Variants in JRKL observed in about 807,000 individuals in gnomAD.
JRKL encodes the protein JRK like, also known as jerky protein homolog-like.
A neutral mutation model predicts 34.7 loss-of-function variants in JRKL; 25 were observed. The ratio of observed to expected loss-of-function variants is 0.72; its 90% confidence interval spans 0.53 to 1.01. The LOEUF (loss-of-function observed/expected upper bound fraction) is 1.01. Among genes scored for constraint, JRKL ranks in the 50% least tolerant of loss-of-function variants. The probability of loss-of-function intolerance (pLI) is 0.00; values close to 1 mark genes in which losing one functional copy is unlikely to be tolerated. For missense variants in JRKL, 495 were observed against 615.7 expected, an observed-to-expected ratio of 0.80 and a Z score of 2.07; for synonymous variants, 204 against 212.8, an observed-to-expected ratio of 0.96 and a Z score of 0.36.
intron 1 of JRKL, 108 bp from the exon 2 acceptor site, chr11:96,390,375 C>T: frequency 3.0e-6 from 1 of 330,146 alleles, no homozygotes; most frequent in African/African-American, 2.1e-5. Context: ...AAAACACATG[C>T]TTTTAATCCG....
chr11:96,393,078 T>C lies in JRKL; in HGVS notation c.*854T>C, dbSNP rs1316925472. The C allele has an allele frequency of 6.0e-6, 1 of 165,884 alleles. No homozygotes were observed. The highest frequency in any genetic ancestry group is 6.6e-5 in the Admixed American group (1 of 15,214). The allele number at this position is 165,884 out of a possible 1,614,324, so 10.3% of individuals were successfully genotyped here. A position where few individuals can be genotyped will look rare whatever the true frequency, so the allele number is the denominator to read the frequency against. ...TAATGTTACATGTGATGATATGAGC[T>C]CCCACCTTATATGGGGGAACATCTT... On this transcript the variant is annotated 3_prime_UTR_variant, in exon 2 of 2. Coordinates refer to ENST00000332349, the MANE Select transcript of JRKL (RefSeq NM_001261833.2).
In JRKL at chr11:96,391,705, C is replaced by T. The variant is rs1866544485; in HGVS notation, c.1056C>T (p.Asp352=). The change falls in exon 2 of 2, where the codon GAC becomes GAT. Residue 352 remains aspartate, a synonymous_variant. Transcript: ENST00000332349. Reference sequence around the variant, plus strand: ...AGAACAACTTGGAAGAAGGTAATGACCTGAAATCATTCTGGAAGAAGCTAA... The same window carrying T: ...AGAACAACTTGGAAGAAGGTAATGATCTGAAATCATTCTGGAAGAAGCTAA... ...LLQNNLEEGN[D]LKSFWKKLTL... 6.2e-7 allele frequency: 1 copy of T among 1,614,102 alleles called. No individual in the cohort carries two copies. Among genetic ancestry groups the T allele is most frequent in the Non-Finnish European group, 8.5e-7 (1 of 1,180,014 alleles).
chr11:96,392,060 A>C lies in JRKL; in HGVS notation c.1411A>C (p.Ile471Leu). Residue 471 changes from isoleucine to leucine, a missense_variant, in exon 2 of 2, where the codon ATT (isoleucine) becomes CTT (leucine). Ile to Leu is a conservative substitution (Grantham distance 5, BLOSUM62 2). Transcript: ENST00000332349. ...SENEEEEIELIPEKHINHAAA... is the reference protein window; with the variant it reads ...SENEEEEIELLPEKHINHAAA... ...AAATGAGGAGGAGGAAATAGAACTA[A>C]TTCCAGAGAAACATATTAATCATGC... is the stretch of plus-strand genomic sequence containing the variant. 1 of 1,614,016 alleles carries C rather than the reference A, an allele frequency of 6.2e-7. No homozygotes were observed.
At position 96,391,826 on chromosome 11, in the gene JRKL, G is replaced by A. The variant is rs746744222; in HGVS notation, c.1177G>A (p.Glu393Lys). 1 of 1,614,156 alleles carries A rather than the reference G, an allele frequency of 6.2e-7. No individual in the cohort carries two copies. Among genetic ancestry groups the A allele is most frequent in the Non-Finnish European group, 8.5e-7 (1 of 1,179,996 alleles). ...ATGGAAGAAGATTCTCCCTATGGTAGAGGAGAAAGAGAGCCTGGACTTTGA... is the reference window on the plus strand; with the variant it reads ...ATGGAAGAAGATTCTCCCTATGGTAAAGGAGAAAGAGAGCCTGGACTTTGA... ...RAWKKILPMV[E>K]EKESLDFDVE... Residue 393 changes from glutamate to lysine, a missense_variant, in exon 2 of 2, where the codon GAG (glutamate) becomes AAG (lysine). Coordinates refer to ENST00000332349, the MANE Select transcript of JRKL (RefSeq NM_001261833.2).
chr11:96,391,080 G>C lies in JRKL; in HGVS notation c.431G>C (p.Arg144Thr). The C allele has an allele frequency of 6.2e-7, 1 of 1,614,166 alleles. No homozygotes were observed. The highest frequency in any genetic ancestry group is 8.5e-7 in the Non-Finnish European group (1 of 1,180,040). The change falls in exon 2 of 2, where the codon AGA (arginine) becomes ACA (threonine). Residue 144 changes from arginine (R) to threonine (T), a missense_variant. Transcript: ENST00000332349. Reference protein sequence around the residue: ...SIREINIRNERLNGDETAVED... With the variant: ...SIREINIRNETLNGDETAVED... ...AGAGAGATTAACATTAGAAATGAAA[G>C]ATTAAATGGAGATGAGACTGCGGTG...
rs1393295590 is a variant in JRKL, at chr11:96,393,341, AT to A, written c.*1121del. On this transcript the variant is annotated 3_prime_UTR_variant, in exon 2 of 2. Coordinates refer to ENST00000332349, the MANE Select transcript of JRKL (RefSeq NM_001261833.2). ...ACACTAAGGAATATTATTGTTTATT[AT>A]TTTAATACATATAAAAAGGGATTAA... The A allele has an allele frequency of 6.0e-6, 1 of 166,930 alleles. No homozygotes were observed. The highest frequency in any genetic ancestry group is 1.5e-5 in the Non-Finnish European group (1 of 68,012). 10.3% of individuals were successfully genotyped at this position (166,930 alleles called of 1,614,324 possible).
In JRKL at chr11:96,391,877, G is replaced by A. The variant is rs1302369603; in HGVS notation, c.1228G>A (p.Val410Met). Residue 410 changes from valine to methionine, a missense_variant, in exon 2 of 2, where the codon GTG becomes ATG. By Grantham distance (21) the Val-to-Met change is conservative. Transcript: ENST00000332349. ...FDVEDISVAT[V>M]AAILQHTKGL... ...TGTTGAAGATATTTCTGTGGCTACT[G>A]TGGCTGCCATTTTACAACACACCAA... The A allele has an allele frequency of 1.2e-6, 2 of 1,614,174 alleles. No individual in the cohort carries two copies. The highest frequency in any genetic ancestry group is 1.7e-6 in the Non-Finnish European group (2 of 1,180,008).
chr11:96,391,177 A>G lies in JRKL; in HGVS notation c.528A>G (p.Ala176=), dbSNP rs1347963628. 1.9e-6 allele frequency: 3 copies of G among 1,569,066 alleles called. No homozygotes were observed. The highest frequency in any genetic ancestry group is 1.9e-5 in the Admixed American group (1 of 52,902). ...ENLQPEQIYN[A]DETGLFWKCL... ...TACAGCCTGAACAAATCTACAATGC[A>G]GATGAAACTGGACTCTTTTGGAAGT... Residue 176 remains alanine, a synonymous_variant, in exon 2 of 2, where the codon GCA becomes GCG. Coordinates refer to ENST00000332349, the MANE Select transcript of JRKL (RefSeq NM_001261833.2).
rs1185539013 is a variant in JRKL, at chr11:96,391,385, C to T, written c.736C>T (p.Pro246Ser). The T allele has an allele frequency of 6.4e-7, 1 of 1,551,638 alleles. No individual in the cohort carries two copies. Among genetic ancestry groups the T allele is most frequent in the Non-Finnish European group, 8.7e-7 (1 of 1,146,990 alleles). Residue 246 changes from proline (P) to serine (S), a missense_variant, in exon 2 of 2, where the codon CCA (proline) becomes TCA (serine). By Grantham distance (74) the Pro-to-Ser change is moderately conservative. Transcript: ENST00000332349. ...TAAATCAACTGACACCTTAAACCTG[C>T]CAGTCTCTTATTTCAGCCAAAAAGG... ...SFKSTDTLNLPVSYFSQKGAW... is the reference protein window; with the variant it reads ...SFKSTDTLNLSVSYFSQKGAW...
rs970735543 is a variant in JRKL at position 96,393,352 on chromosome 11, T to G, written c.*1128T>G. The G allele has an allele frequency of 6.0e-6, 1 of 166,928 alleles. No homozygotes were observed. The highest frequency in any genetic ancestry group is 1.5e-5 in the Non-Finnish European group (1 of 68,020). The allele number at this position is 166,928 out of a possible 1,614,324, so 10.3% of individuals were successfully genotyped here. A position where few individuals can be genotyped will look rare whatever the true frequency, so the allele number is the denominator to read the frequency against. ...TATTATTGTTTATTATTTTAATACA[T>G]ATAAAAAGGGATTAATCTGCTAAAA... On this transcript the variant is annotated 3_prime_UTR_variant, in exon 2 of 2. Coordinates refer to ENST00000332349, the MANE Select transcript of JRKL (RefSeq NM_001261833.2).
rs1405823415 is a variant in JRKL at position 96,390,498 on chromosome 11, A to T, written c.-152A>T. 4.4e-6 allele frequency: 4 copies of T among 910,522 alleles called. No homozygotes were observed. Among genetic ancestry groups the T allele is most frequent in the Non-Finnish European group, 6.3e-6 (4 of 634,634 alleles). 56.4% of individuals were successfully genotyped at this position (910,522 alleles called of 1,614,324 possible). ...TCTTCTGCAGTCTATTTGCCAGCCAACCCCAGCCCGGGAGGGGATCAGGGC... is the reference window on the plus strand; with the variant it reads ...TCTTCTGCAGTCTATTTGCCAGCCATCCCCAGCCCGGGAGGGGATCAGGGC... On this transcript the variant is annotated 5_prime_UTR_variant, in exon 2 of 2. Coordinates refer to ENST00000332349, the MANE Select transcript of JRKL (RefSeq NM_001261833.2).
In JRKL at chr11:96,392,142, T is replaced by C; in HGVS notation, c.1493T>C (p.Met498Thr). 1.2e-6 allele frequency: 2 copies of C among 1,613,584 alleles called. No homozygotes were observed. The highest frequency in any genetic ancestry group is 1.7e-6 in the Non-Finnish European group (2 of 1,179,802). The change falls in exon 2 of 2, where the codon ATG (methionine) becomes ACG (threonine). Residue 498 changes from methionine to threonine, a missense_variant. By Grantham distance (81) the Met-to-Thr change is moderately conservative (BLOSUM62 -1). Transcript: ENST00000332349. ...LLDYLEQQGD[M>T]ILPDRLVIRK... is the part of the protein sequence containing the mutation. ...GATTATCTAGAACAACAAGGTGATA[T>C]GATTCTACCTGATAGACTGGTAATA...
rs1229355828 is a variant in JRKL at position 96,391,333 on chromosome 11, G to C, written c.684G>C (p.Val228=). 7.1e-6 allele frequency: 11 copies of C among 1,551,464 alleles called. No homozygotes were observed. Among genetic ancestry groups the C allele is most frequent in the Non-Finnish European group, 9.6e-6 (11 of 1,146,982 alleles). ...TACACAAACTTAAACTTTGTGTTGT[G>C]GGGAAAGCAAAGAAACCTCGCTCCT... The part of the protein sequence containing the change: ...TGLHKLKLCV[V]GKAKKPRSFK... The change falls in exon 2 of 2, where the codon GTG becomes GTC. Residue 228 remains valine (V), a synonymous_variant. Transcript: ENST00000332349.
chr11:96,391,024 G>T lies in JRKL; in HGVS notation c.375G>T (p.Trp125Cys). 1 of 1,614,194 alleles carries T rather than the reference G, an allele frequency of 6.2e-7. No individual in the cohort carries two copies. Among genetic ancestry groups the T allele is most frequent in the Non-Finnish European group, 8.5e-7 (1 of 1,180,020 alleles). Reference protein sequence around the residue: ...MDGDFNPSAGWLTRFKQRHSI... With the variant: ...MDGDFNPSAGCLTRFKQRHSI... Reference sequence around the variant, plus strand: ...GTGATTTTAACCCCTCTGCCGGTTGGCTAACTCGTTTTAAGCAGCGGCACA... The same window carrying T: ...GTGATTTTAACCCCTCTGCCGGTTGTCTAACTCGTTTTAAGCAGCGGCACA... Residue 125 changes from tryptophan to cysteine, a missense_variant, in exon 2 of 2, where the codon TGG (tryptophan) becomes TGT (cysteine). Trp to Cys is a radical substitution (Grantham distance 215). Transcript: ENST00000332349.
rs772229967 is a variant in JRKL, at chr11:96,392,089, T to C, written c.1440T>C (p.Ala480=). ...CAGAGAAACATATTAATCATGCAGC[T>C]GCCCTCCAGTGGACTGAAAATTTAT... ...LIPEKHINHA[A]ALQWTENLLD... is the part of the protein sequence containing the mutation. The change falls in exon 2 of 2, where the codon GCT becomes GCC. Residue 480 remains alanine (A), a synonymous_variant. Transcript: ENST00000332349. The C allele has an allele frequency of 2.5e-6, 4 of 1,614,060 alleles. No individual in the cohort carries two copies. Among genetic ancestry groups the C allele is most frequent in the Non-Finnish European group, 3.4e-6 (4 of 1,179,970 alleles).
chr11:96,390,058 C>T lies in JRKL; in HGVS notation c.-183C>T, dbSNP rs947094003. The T allele has an allele frequency of 2.0e-5, 3 of 152,450 alleles. No homozygotes were observed. Among genetic ancestry groups the T allele is most frequent in the Non-Finnish European group, 2.9e-5 (2 of 68,390 alleles). The allele number at this position is 152,450 out of a possible 1,614,324, so 9.4% of individuals were successfully genotyped here. A position where few individuals can be genotyped will look rare whatever the true frequency, so the allele number is the denominator to read the frequency against. On this transcript the variant is annotated 5_prime_UTR_variant, in exon 1 of 2. Transcript: ENST00000332349. ...GCGATAGTCAGGGAGCTGTGCGGGT[C>T]CTGGTTGCAAGAGAGGTGGGGAGAG... is the stretch of plus-strand genomic sequence containing the variant.
Position 96,393,538 on chromosome 11 carries a change from ATAAAT to A in JRKL, c.*1317_*1321del, listed in dbSNP as rs1591242956. Among the ~76,000 whole-genome samples, 1 of 152,296 alleles carries A rather than the reference ATAAAT, an allele frequency of 6.6e-6. No homozygotes were observed. The highest frequency in any genetic ancestry group is 2.4e-5 in the African/African-American group (1 of 41,584). On this transcript the variant is annotated 3_prime_UTR_variant, in exon 2 of 2. Transcript: ENST00000332349. ...TGTTTTGGCCAAAAATTTTTAAAAA[ATAAAT>A]TACAATTGTTCTCTATTAGTCATTT...
Position 96,391,893 on chromosome 11 carries a change from AAC to A in JRKL, c.1249_1250del (p.Thr417GlnfsTer9). 1 of 1,614,208 alleles carries A rather than the reference AAC, an allele frequency of 6.2e-7. No homozygotes were observed. Among genetic ancestry groups the A allele is most frequent in the South Asian group, 1.1e-5 (1 of 91,086 alleles). On this transcript the variant is annotated frameshift_variant, in exon 2 of 2. Transcript: ENST00000332349. LOFTEE classifies it high-confidence loss of function. ...GTGGCTACTGTGGCTGCCATTTTAC[AAC>A]ACACCAAAGGATTGGAAAATGTGAC...
chr11:96,391,025 C>T lies in JRKL; in HGVS notation c.376C>T (p.Leu126=), dbSNP rs1331037651. Residue 126 remains leucine, a synonymous_variant, in exon 2 of 2, where the codon CTA becomes TTA. Transcript: ENST00000332349. The stretch of plus-strand genomic sequence containing the variant: ...TGATTTTAACCCCTCTGCCGGTTGG[C>T]TAACTCGTTTTAAGCAGCGGCACAG... ...DGDFNPSAGW[L]TRFKQRHSIR... The T allele has an allele frequency of 6.2e-7, 1 of 1,614,174 alleles. No homozygotes were observed. Among genetic ancestry groups the T allele is most frequent in the Non-Finnish European group, 8.5e-7 (1 of 1,180,034 alleles).
Sources: allele counts gnomAD v4.1 joint callset (sites outside exome capture counted in the v4.1 genomes callset), GRCh38; gene constraint gnomAD v4.1.1; transcripts MANE v1.5; gene names NCBI Gene and HGNC (gene_info 2026-07-23, HGNC 2026-07-21).